SEMA3E: variants seen among roughly 807,000 people sequenced by gnomAD.
The protein encoded by SEMA3E is semaphorin 3E.
A neutral mutation model predicts 93.6 loss-of-function variants in SEMA3E; 49 were observed. The ratio of observed to expected loss-of-function variants is 0.52; its 90% CI spans 0.42 to 0.66. SEMA3E has a LOEUF of 0.66. Among genes scored for constraint, SEMA3E ranks in the 30% least tolerant of loss-of-function variants. The probability of loss-of-function intolerance (pLI) is 0.00; values close to 1 mark genes in which losing one functional copy is unlikely to be tolerated. For synonymous variants in SEMA3E, 363 were observed against 330.7 expected (o/e 1.10, Z -1.06); for missense variants, 906 against 964.8 (o/e 0.94, Z 0.81).
intron 1 of SEMA3E, among the ~76,000 whole-genome samples, chr7:83,564,026 G>C (rs766443538): frequency 8.5e-5 from 13 of 152,064 alleles, no homozygotes; most frequent in Non-Finnish European, 2.9e-5. Context: ...CCAAATAAGA[G>C]CTGTCAAACT....
At chr7:83,643,733 C>A (rs1419479639) in intron 1 of SEMA3E, among the ~76,000 whole-genome samples, 1 of 151,956 alleles carries the variant, frequency 6.6e-6, no homozygotes, top group African/African-American at 2.4e-5. Flanking sequence ...ATTGTAATTT[C>A]TCACAACTTA....
In SEMA3E at chr7:83,462,685, G is replaced by A. The variant is rs1250589106; in HGVS notation, c.456+3797C>T. ...CGCAGCACGCTTTAAAAAGATTAAA[G>A]CCTGTTATCACTCGCCTGCTACAGC... is the stretch of plus-strand genomic sequence containing the variant. On this transcript the variant is annotated intron_variant, in intron 4 of 16. Transcript: ENST00000643230. 1.4e-4 allele frequency among the ~76,000 whole-genome samples: 21 copies of A among 151,100 alleles called. 1 individual carries two copies. In the Middle Eastern group the frequency reaches 0.01, roughly 73 times the overall value.
intron 5 of SEMA3E, among the ~76,000 whole-genome samples, chr7:83,417,798 T>G (rs1584234913): frequency 6.6e-6 from 1 of 152,254 alleles, no homozygotes; most frequent in South Asian, 2.1e-4. Context: ...TCTAATTAAA[T>G]TAAATCGAAT....
At chr7:83,603,921 A>G (rs948818415) in intron 1 of SEMA3E, among the ~76,000 whole-genome samples, 9 of 152,178 alleles carry the variant, frequency 5.9e-5, no homozygotes, top group African/African-American at 4.8e-5. Context: ...TTTAAAGGCT[A>G]TAAGAAGAAA....
At chr7:83,480,160 G>T (rs1399169878) in intron 2 of SEMA3E, among the ~76,000 whole-genome samples, 1 of 152,074 alleles carries the variant, frequency 6.6e-6, no homozygotes, top group East Asian at 1.9e-4. Flanking sequence ...GCCATTATAG[G>T]CTGGGCACAG....
At chr7:83,584,274 T>C (rs1792573860) in intron 1 of SEMA3E, among the ~76,000 whole-genome samples, 1 of 152,074 alleles carries the variant, frequency 6.6e-6, no homozygotes, top group African/African-American at 2.4e-5. Context: ...CGGAAGGAAG[T>C]TACTTGCCCA....
chr7:83,372,541 A>G, intron 16 of SEMA3E: 1 of 331,080 alleles, frequency 3.0e-6, no homozygotes, highest in Admixed American at 4.8e-5. Flanking sequence ...GGTAAGTTAA[A>G]AAAGCAGGGT....
rs2709942 is a variant in SEMA3E, at chr7:83,407,545, G to A, written c.671-306C>T. Among the ~76,000 whole-genome samples, 77,065 of 152,004 alleles carry A rather than the reference G, an allele frequency of 0.51. 22,404 individuals are homozygous for A. Among genetic ancestry groups the A allele is most frequent in the East Asian group, 0.85 (4,380 of 5,160 alleles). ...GAACTTAAAATGCATTCAGGAAAGA[G>A]CAGATTGGGAGCACAATGAAGACAA... On this transcript the variant is annotated intron_variant, in intron 6 of 16. Transcript: ENST00000643230.
At chr7:83,591,394 T>C (rs1300952276) in intron 1 of SEMA3E, among the ~76,000 whole-genome samples, 2 of 151,706 alleles carry the variant, frequency 1.3e-5, no homozygotes, top group Non-Finnish European at 2.9e-5. Context: ...TTTCCAGCGT[T>C]CCAACTCCAA....
intron 4 of SEMA3E, chr7:83,425,106 A>G (rs1258228260): frequency 6.6e-6 from 1 of 152,644 alleles, no homozygotes; most frequent in Non-Finnish European, 1.5e-5. Context: ...CAACTGTATC[A>G]GTACTTTTTT....
intron 4 of SEMA3E, among the ~76,000 whole-genome samples, chr7:83,428,489 T>C (rs562399551): frequency 6.6e-6 from 1 of 152,292 alleles, no homozygotes; most frequent in East Asian, 1.9e-4. Flanking sequence ...CTCAAATAAA[T>C]AAACATAATA....
At chr7:83,639,136 A>AAAAAAAAAC (rs1562866057) in intron 1 of SEMA3E, among the ~76,000 whole-genome samples, 1 of 132,066 alleles carries the variant, frequency 7.6e-6, no homozygotes, top group African/African-American at 2.8e-5. Context: ...AAAAAAAAAA[A>AAAAAAAAAC]AAAACAGAGA....
At chr7:83,640,384 T>A (rs867979507) in intron 1 of SEMA3E, among the ~76,000 whole-genome samples, 14 of 152,208 alleles carry the variant, frequency 9.2e-5, no homozygotes, top group African/African-American at 3.4e-4. Flanking sequence ...CCAGTTTAGC[T>A]ACAGAATACT....
chr7:83,423,744 C>G (rs1331960398), intron 4 of SEMA3E, among the ~76,000 whole-genome samples: 1 of 151,844 alleles, frequency 6.6e-6, no homozygotes, highest in African/African-American at 2.4e-5. Flanking sequence ...ATCTCCTGAC[C>G]TCGTGATCCC....
chr7:83,556,808 G>A (rs1256751133), intron 1 of SEMA3E, among the ~76,000 whole-genome samples: 1 of 152,248 alleles, frequency 6.6e-6, no homozygotes, highest in East Asian at 1.9e-4. Context: ...GGTCATGAGG[G>A]TTCTGCCCTC....
chr7:83,531,162 A>G (rs1791286425), intron 1 of SEMA3E, among the ~76,000 whole-genome samples: 1 of 151,926 alleles, frequency 6.6e-6, no homozygotes. Flanking sequence ...ATATGTGCTT[A>G]CCATTAAAAT....
rs60552732 is a variant in SEMA3E at position 83,442,201 on chromosome 7, TTGAG to T, written c.457-23722_457-23719del. Among the ~76,000 whole-genome samples, 756 of 152,342 alleles carry T rather than the reference TTGAG, an allele frequency of 5.0e-3. 7 individuals are homozygous for T. The highest frequency in any genetic ancestry group is 0.017 in the African/African-American group (723 of 41,592). On this transcript the variant is annotated intron_variant, in intron 4 of 16. Transcript: ENST00000643230. The stretch of plus-strand genomic sequence containing the variant: ...CTTATTCCAAAAATTCACATTATAT[TTGAG>T]TTTTACTTAGAAGTCAAACAAATAA...
chr7:83,578,719 CCAAA>C lies in SEMA3E; in HGVS notation c.115+69705_115+69708del, dbSNP rs748562839. Reference sequence around the variant, plus strand: ...ATTTTCTTATACTGCACAACTACTCCCAAACAAACTCCCTCTCTTAGTAGAATCA... The same window carrying C: ...ATTTTCTTATACTGCACAACTACTCCCAAACTCCCTCTCTTAGTAGAATCA... On this transcript the variant is annotated intron_variant, in intron 1 of 16. Transcript: ENST00000643230. 4.9e-4 allele frequency among the ~76,000 whole-genome samples: 75 copies of C among 152,046 alleles called. 1 individual carries two copies. The highest frequency in any genetic ancestry group is 1.0e-3 in the South Asian group (5 of 4,808).
intron 1 of SEMA3E, among the ~76,000 whole-genome samples, chr7:83,551,975 A>T (rs1020460653): frequency 5.9e-5 from 9 of 152,198 alleles, no homozygotes; most frequent in African/African-American, 2.2e-4. Flanking sequence ...TATATTAGAC[A>T]TATTTTTAAT....
Sources: gnomAD v4.1 joint callset for allele counts (sites outside exome capture counted in the v4.1 genomes callset) on GRCh38, gnomAD v4.1.1 for gene constraint, MANE v1.5 for transcripts, NCBI Gene and HGNC (gene_info 2026-07-23, HGNC 2026-07-21) for gene names.